Variants in NRXN1 observed in about 807,000 individuals in gnomAD.
NRXN1 encodes neurexin-1.
In NRXN1, 39 loss-of-function variants were observed where a neutral mutation model predicts 150.9. The ratio of observed to expected loss-of-function variants is 0.26; its 90% CI spans 0.20 to 0.34. The LOEUF (loss-of-function observed/expected upper bound fraction) is 0.34. Ranked by LOEUF, NRXN1 falls within the 10% of genes least tolerant of loss-of-function variation. The pLI, the probability that NRXN1 is intolerant of heterozygous loss-of-function variation, is 1.00. For synonymous variants in NRXN1, 924 were observed against 757.0 expected, an observed-to-expected ratio of 1.22 and a Z score of -3.62; for missense variants, 1,815 against 1,949.9, an observed-to-expected ratio of 0.93 and a Z score of 1.30.
chr2:50,312,672 C>G (rs2075275003), intron 17 of NRXN1: 1 of 493,954 alleles, frequency 2.0e-6, no homozygotes, highest in African/African-American at 1.9e-5. Flanking sequence ...GACAGTCCAT[C>G]TGATTTTTTG....
chr2:50,329,125 G>A (rs947457971), intron 17 of NRXN1, among the ~76,000 whole-genome samples: 2 of 151,970 alleles, frequency 1.3e-5, no homozygotes, highest in Non-Finnish European at 2.9e-5. Context: ...AAATTAAAAG[G>A]TATGTAATTA....
intron 21 of NRXN1, among the ~76,000 whole-genome samples, chr2:49,969,116 C>A (rs139374623): frequency 3.3e-5 from 5 of 152,034 alleles, no homozygotes; most frequent in Non-Finnish European, 7.4e-5. Flanking sequence ...AGCTTATCCC[C>A]GGCCAAATTT....
chr2:50,131,174 A>G (rs1357049526), intron 18 of NRXN1, among the ~76,000 whole-genome samples: 1 of 152,186 alleles, frequency 6.6e-6, no homozygotes, highest in Non-Finnish European at 1.5e-5. Context: ...GCTTGGGTTG[A>G]AAGCTGTAAA....
chr2:50,719,819 C>A (rs1404996468), intron 5 of NRXN1, among the ~76,000 whole-genome samples: 1 of 152,280 alleles, frequency 6.6e-6, no homozygotes, highest in Admixed American at 6.5e-5. Flanking sequence ...TCCTGAAAGG[C>A]TTCCTTAGGC....
Position 50,287,137 on chromosome 2 carries a change from T to C in NRXN1, c.3365-50167A>G, listed in dbSNP as rs188648329. On this transcript the variant is annotated intron_variant, in intron 17 of 22. Coordinates refer to ENST00000401669, the MANE Select transcript of NRXN1 (RefSeq NM_001330078.2). ...TTTTCAACAAGTATATAAAAAATAA[T>C]AATCCAGGGAACTATGTGCTAAAGC... Among the ~76,000 whole-genome samples the C allele has an allele frequency of 3.3e-4, 51 of 152,262 alleles. No individual in the cohort carries two copies. The East Asian group carries it at 8.9e-3, about 26-fold the overall frequency.
At chr2:49,991,700 CAA>C (rs1681991738) in intron 21 of NRXN1, among the ~76,000 whole-genome samples, 1 of 152,158 alleles carries the variant, frequency 6.6e-6, no homozygotes, top group Non-Finnish European at 1.5e-5. Flanking sequence ...CAATCCCAAT[CAA>C]AATCCTGGCA....
chr2:50,359,083 G>A (rs1428771850), intron 17 of NRXN1, among the ~76,000 whole-genome samples: 11 of 152,052 alleles, frequency 7.2e-5, no homozygotes, highest in Non-Finnish European at 1.5e-4. Context: ...GAACGACCAC[G>A]CAAAAACTCC....
intron 5 of NRXN1, among the ~76,000 whole-genome samples, chr2:50,672,046 T>C (rs1688928070): frequency 6.6e-6 from 1 of 151,934 alleles, no homozygotes; most frequent in Non-Finnish European, 1.5e-5. Context: ...CATGTAAAAA[T>C]CAATGAGAAC....
rs574286688 is a variant in NRXN1, at chr2:50,574,198, T to C, written c.1321-21173A>G. Among the ~76,000 whole-genome samples the C allele has an allele frequency of 2.6e-5, 4 of 152,224 alleles. No individual in the cohort carries two copies. In the East Asian group the frequency reaches 7.7e-4, roughly 29 times the overall value. On this transcript the variant is annotated intron_variant, in intron 8 of 22. Transcript: ENST00000401669. ...AGGAAGACATTAGACACCCTATGCA[T>C]ATAAAAATGGCAATAAAAGAAAGCC...
At chr2:50,822,377 C>A (rs946333999) in intron 5 of NRXN1, among the ~76,000 whole-genome samples, 17 of 152,080 alleles carry the variant, frequency 1.1e-4, no homozygotes, top group Non-Finnish European at 2.4e-4. Context: ...ACCACTGATT[C>A]ACAATTTCTA....
chr2:50,945,857 G>T (rs529179716), intron 2 of NRXN1, among the ~76,000 whole-genome samples: 1 of 143,386 alleles, frequency 7.0e-6, no homozygotes, highest in African/African-American at 2.6e-5. Context: ...TCCAAAATAT[G>T]AAAGTACTTC....
chr2:50,939,017 C>T (rs1002269403), intron 2 of NRXN1, among the ~76,000 whole-genome samples: 2 of 151,934 alleles, frequency 1.3e-5, no homozygotes, highest in Non-Finnish European at 2.9e-5. Flanking sequence ...CGAGACCATC[C>T]TGGTTAACAT....
At chr2:50,431,238 T>C (rs2104370161) in intron 17 of NRXN1, among the ~76,000 whole-genome samples, 1 of 152,306 alleles carries the variant, frequency 6.6e-6, no homozygotes, top group East Asian at 1.9e-4. Flanking sequence ...CCTCCACTAA[T>C]CACACTTAAC....
chr2:50,258,517 T>C (rs910792314), intron 17 of NRXN1, among the ~76,000 whole-genome samples: 2 of 152,014 alleles, frequency 1.3e-5, no homozygotes, highest in African/African-American at 2.4e-5. Flanking sequence ...ACCACATCTG[T>C]AGTTACCTCC....
chr2:50,184,069 G>A (rs1017213231), intron 18 of NRXN1, among the ~76,000 whole-genome samples: 4 of 151,918 alleles, frequency 2.6e-5, no homozygotes, highest in Non-Finnish European at 4.4e-5. Flanking sequence ...TAAAAAGTTC[G>A]ACAGGAAGTT....
chr2:50,521,728 A>T (rs1051300577), intron 12 of NRXN1, among the ~76,000 whole-genome samples: 5 of 152,172 alleles, frequency 3.3e-5, no homozygotes, highest in African/African-American at 1.2e-4. Context: ...CAGTCAGACA[A>T]CATATAGAAA....
chr2:50,472,836 T>C (rs1356689525), intron 15 of NRXN1, among the ~76,000 whole-genome samples: 1 of 150,206 alleles, frequency 6.7e-6, no homozygotes, highest in African/African-American at 2.5e-5. Context: ...TGTGTATATA[T>C]ATATATAAGT....
intron 2 of NRXN1, among the ~76,000 whole-genome samples, chr2:50,943,514 T>C (rs1377785404): frequency 6.6e-6 from 1 of 152,196 alleles, no homozygotes; most frequent in Admixed American, 6.5e-5. Context: ...TAATAGCACC[T>C]TCTATAATGA....
intron 17 of NRXN1, among the ~76,000 whole-genome samples, chr2:50,436,595 G>A (rs1005643343): frequency 6.6e-6 from 1 of 152,114 alleles, no homozygotes; most frequent in Admixed American, 6.5e-5. Context: ...TCCCAGATAG[G>A]TTTCAGGGCA....
Sources: gnomAD v4.1 joint callset for allele counts (sites outside exome capture counted in the v4.1 genomes callset) on GRCh38, gnomAD v4.1.1 for gene constraint, MANE v1.5 for transcripts, NCBI Gene and HGNC (gene_info 2026-07-23, HGNC 2026-07-21) for gene names.